Variants in EXOC2 observed in about 807,000 individuals in gnomAD.
EXOC2 encodes exocyst complex component 2.
EXOC2 carries 70 observed loss-of-function variants against 131.8 expected under a neutral mutation model. The ratio of observed to expected loss-of-function variants is 0.53; its 90% CI spans 0.44 to 0.65. The LOEUF (loss-of-function observed/expected upper bound fraction) is 0.65, where lower values mean the gene tolerates loss of function less well. EXOC2 is among the 30% of genes least tolerant of loss of function. The pLI, the probability that EXOC2 is intolerant of heterozygous loss-of-function variation, is 0.00. For missense variants in EXOC2, 923 were observed against 1,108.6 expected, an observed-to-expected ratio of 0.83 and a Z score of 2.38; for synonymous variants, 411 against 398.4, an observed-to-expected ratio of 1.03 and a Z score of -0.38.
At chr6:673,016 T>C (rs1334764219) in intron 1 of EXOC2, among the ~76,000 whole-genome samples, 1 of 152,052 alleles carries the variant, frequency 6.6e-6, no homozygotes, top group Non-Finnish European at 1.5e-5. Flanking sequence ...TCCCAGCACT[T>C]TGGGAGGCCA....
intron 7 of EXOC2, among the ~76,000 whole-genome samples, chr6:601,239 C>T (rs1359323331): frequency 3.4e-5 from 5 of 147,260 alleles, no homozygotes; most frequent in South Asian, 2.2e-4. Context: ...AAGAACACCC[C>T]GTGTACGAAT....
At chr6:671,247 C>T (rs561965811) in intron 1 of EXOC2, among the ~76,000 whole-genome samples, 2 of 151,866 alleles carry the variant, frequency 1.3e-5, no homozygotes, top group South Asian at 4.2e-4. Context: ...GTCCCAGCTA[C>T]CTGGGAGGCT....
In EXOC2 at chr6:567,519, C is replaced by T. The variant is rs187629668; in HGVS notation, c.1444-2590G>A. Among the ~76,000 whole-genome samples, 91 of 152,262 alleles carry T rather than the reference C, an allele frequency of 6.0e-4. 1 individual carries two copies. The highest frequency in any genetic ancestry group is 2.1e-3 in the African/African-American group (86 of 41,534). On this transcript the variant is annotated intron_variant, in intron 13 of 27. Transcript: ENST00000230449. ...GTTCTGTCTCTAGAAGAGGAAAGGTCATGCTTACTTTGGTGACTTTTATTT... is the reference window on the plus strand; with the variant it reads ...GTTCTGTCTCTAGAAGAGGAAAGGTTATGCTTACTTTGGTGACTTTTATTT...
chr6:684,072 A>T (rs1764533735), intron 1 of EXOC2, among the ~76,000 whole-genome samples: 1 of 152,198 alleles, frequency 6.6e-6, no homozygotes, highest in African/African-American at 2.4e-5. Flanking sequence ...CTCTCGGCTG[A>T]GCGGGAGACC....
At chr6:662,210 A>G (rs1386462085) in intron 1 of EXOC2, among the ~76,000 whole-genome samples, 1 of 152,184 alleles carries the variant, frequency 6.6e-6, no homozygotes, top group Non-Finnish European at 1.5e-5. Context: ...ATAGTGGGGG[A>G]CTTCAATACT....
At chr6:488,388 C>G (rs1032826417) in intron 27 of EXOC2, among the ~76,000 whole-genome samples, 1 of 152,218 alleles carries the variant, frequency 6.6e-6, no homozygotes, top group African/African-American at 2.4e-5. Context: ...TGAAATTTAC[C>G]TGGCCTAGAT....
At chr6:496,539 C>G (rs922143513) in intron 25 of EXOC2, among the ~76,000 whole-genome samples, 1 of 152,026 alleles carries the variant, frequency 6.6e-6, no homozygotes, top group Non-Finnish European at 1.5e-5. Context: ...TGTGGCTGCT[C>G]CAAAGCCTGT....
At position 614,584 on chromosome 6, in the gene EXOC2, G is replaced by A. The variant is rs77331734; in HGVS notation, c.661+3127C>T. On this transcript the variant is annotated intron_variant, in intron 6 of 27. Coordinates refer to ENST00000230449, the MANE Select transcript of EXOC2 (RefSeq NM_018303.6). ...TCCTTCTAGCAAAACACCAAACTGA[G>A]GGTAATCTTGGGGACTACTTATAAA... 1.4e-3 allele frequency among the ~76,000 whole-genome samples: 216 copies of A among 152,220 alleles called. 5 individuals are homozygous for A. The East Asian group carries it at 0.04, about 28-fold the overall frequency.
intron 1 of EXOC2, among the ~76,000 whole-genome samples, chr6:662,346 A>G (rs548547527): frequency 4.6e-5 from 7 of 152,354 alleles, no homozygotes; most frequent in South Asian, 4.1e-4. Flanking sequence ...CAACTGCAGA[A>G]TATACATTCT....
intron 23 of EXOC2, among the ~76,000 whole-genome samples, chr6:522,845 T>C (rs915750336): frequency 2.6e-5 from 4 of 152,184 alleles, no homozygotes; most frequent in East Asian, 1.9e-4. Flanking sequence ...GGACTAGCAA[T>C]GGCCCAGTGT....
chr6:596,693 T>C (rs1229114925), intron 10 of EXOC2, among the ~76,000 whole-genome samples: 1 of 152,176 alleles, frequency 6.6e-6, no homozygotes, highest in Non-Finnish European at 1.5e-5. Context: ...AAAGGTCACA[T>C]GGGGACCACA....
chr6:532,580 G>C lies in EXOC2; in HGVS notation c.2269C>G (p.Gln757Glu). Residue 757 changes from glutamine to glutamate, a missense_variant, in exon 23 of 28, where the codon CAA becomes GAA. Transcript: ENST00000230449. Reference protein sequence around the residue: ...VSMASLKELDQRLFENYIELK... With the variant: ...VSMASLKELDERLFENYIELK... Reference sequence around the variant, plus strand: ...TCGATGTAATTTTCAAAGAGTCTTTGATCTAGTTCTTTCAATGAGGCCATG... The same window carrying C: ...TCGATGTAATTTTCAAAGAGTCTTTCATCTAGTTCTTTCAATGAGGCCATG... The C allele has an allele frequency of 6.2e-7, 1 of 1,601,890 alleles. No homozygotes were observed. The highest frequency in any genetic ancestry group is 8.5e-7 in the Non-Finnish European group (1 of 1,175,702).
At chr6:595,654 A>G (rs1450661733) in intron 10 of EXOC2, among the ~76,000 whole-genome samples, 2 of 152,046 alleles carry the variant, frequency 1.3e-5, no homozygotes, top group Non-Finnish European at 2.9e-5. Context: ...CAACATAAAG[A>G]ATTTGTACAC....
At chr6:653,026 G>T (rs1762902138) in intron 1 of EXOC2, among the ~76,000 whole-genome samples, 1 of 152,126 alleles carries the variant, frequency 6.6e-6, no homozygotes, top group Non-Finnish European at 1.5e-5. Flanking sequence ...GTTCTTTGAT[G>T]ATACTATTGT....
At chr6:682,834 T>C (rs1764473884) in intron 1 of EXOC2, among the ~76,000 whole-genome samples, 1 of 152,244 alleles carries the variant, frequency 6.6e-6, no homozygotes, top group Non-Finnish European at 1.5e-5. Context: ...TGTGAATAAC[T>C]GTGCTTCAGA....
At chr6:639,116 G>A (rs186571679) in intron 1 of EXOC2, among the ~76,000 whole-genome samples, 1 of 152,096 alleles carries the variant, frequency 6.6e-6, no homozygotes, top group Admixed American at 6.5e-5. Flanking sequence ...GTCTGGAGAA[G>A]AGAAGTTTAG....
At chr6:491,295 CG>C (rs1397197143) in intron 25 of EXOC2, 109 bp from the exon 26 acceptor site, 8 of 1,059,320 alleles carry the variant, frequency 7.6e-6, no homozygotes, top group Non-Finnish European at 1.0e-5. Context: ...ATGGGGTTGG[CG>C]TAATACCACC....
At chr6:497,529 T>C (rs759261592) in intron 24 of EXOC2, 40 bp from the exon 25 acceptor site, 19 of 1,571,908 alleles carry the variant, frequency 1.2e-5, no homozygotes, top group Non-Finnish European at 1.6e-5. Context: ...TGTGGGGCTT[T>C]TTGACTTGAA....
Position 633,130 on chromosome 6 carries a change from G to A in EXOC2, c.119-13C>T, listed in dbSNP as rs769350808. 25 of 1,609,548 alleles carry A rather than the reference G, an allele frequency of 1.6e-5. No homozygotes were observed. Among genetic ancestry groups the A allele is most frequent in the Middle Eastern group, 1.6e-4 (1 of 6,074 alleles). On this transcript the variant is annotated splice_polypyrimidine_tract_variant and intron_variant, in intron 2 of 27. Coordinates refer to ENST00000230449, the MANE Select transcript of EXOC2 (RefSeq NM_018303.6). ...CAAATGGTCAAGCCTGAAAATAAAC[G>A]CATGTGCATAACAAAATTCAAAGAC...
Sources: gnomAD v4.1 joint callset for allele counts (sites outside exome capture counted in the v4.1 genomes callset) on GRCh38, gnomAD v4.1.1 for gene constraint, MANE v1.5 for transcripts, NCBI Gene and HGNC (gene_info 2026-07-23, HGNC 2026-07-21) for gene names.